Variants in TXNDC11 observed in about 807,000 individuals in gnomAD.
TXNDC11 encodes the protein thioredoxin domain-containing protein 11.
In TXNDC11, 68 loss-of-function variants were observed where a neutral mutation model predicts 78.0. That is an observed-to-expected ratio of 0.87 (90% CI 0.72 to 1.07). The LOEUF is 1.07. Ranked by LOEUF, TXNDC11 falls within the 50% of genes least tolerant of loss-of-function variation. The pLI is 0.00. For missense variants in TXNDC11, 1,389 were observed against 1,221.8 expected (o/e 1.14, Z -2.04); for synonymous variants, 571 against 495.2 (o/e 1.15, Z -2.03).
intron 1 of TXNDC11, among the ~76,000 whole-genome samples, chr16:11,739,819 T>G (rs932282991): frequency 1.3e-5 from 2 of 152,010 alleles, no homozygotes; most frequent in African/African-American, 4.8e-5. Context: ...TTAGCTGGTT[T>G]GAATTCAGCC....
rs766595389 is a variant in TXNDC11 at position 11,691,546 on chromosome 16, G to A, written c.1644C>T (p.Ser548=). Reference sequence around the variant, plus strand: ...ACCTGTTCTCCTCAATGTGAGGAACGGAGCTTGGGGCATCAACCTCACATT... The same window carrying A: ...ACCTGTTCTCCTCAATGTGAGGAACAGAGCTTGGGGCATCAACCTCACATT... ...EKKCEVDAPS[S]VPHIEENRYL... Residue 548 remains serine, a synonymous_variant, in exon 8 of 12, where the codon TCC becomes TCT. Transcript: ENST00000283033. The A allele has an allele frequency of 4.5e-5, 72 of 1,614,068 alleles. No individual in the cohort carries two copies. Among genetic ancestry groups the A allele is most frequent in the Non-Finnish European group, 5.8e-5 (68 of 1,180,018 alleles).
At chr16:11,706,461 T>C (rs1164852096) in intron 5 of TXNDC11, among the ~76,000 whole-genome samples, 4 of 152,250 alleles carry the variant, frequency 2.6e-5, no homozygotes, top group South Asian at 2.1e-4. Context: ...CCCATGGGCA[T>C]GGGCTGGGGA....
intron 3 of TXNDC11, among the ~76,000 whole-genome samples, chr16:11,733,293 CT>C (rs1280758250): frequency 1.3e-5 from 2 of 151,872 alleles, no homozygotes; most frequent in Non-Finnish European, 1.5e-5. Flanking sequence ...AAATAAAACT[CT>C]TTCCGTTTTT....
chr16:11,717,630 G>A (rs1006104527), intron 5 of TXNDC11, among the ~76,000 whole-genome samples: 13 of 151,724 alleles, frequency 8.6e-5, no homozygotes, highest in African/African-American at 2.9e-4. Context: ...GAACAGCCTG[G>A]CCAACATGGT....
chr16:11,719,190 G>A (rs1230672887), intron 5 of TXNDC11, among the ~76,000 whole-genome samples: 1 of 152,102 alleles, frequency 6.6e-6, no homozygotes, highest in Non-Finnish European at 1.5e-5. Flanking sequence ...TCACAAACTT[G>A]AATGCTACCA....
chr16:11,739,959 G>A (rs565808834), intron 1 of TXNDC11, among the ~76,000 whole-genome samples: 19 of 152,056 alleles, frequency 1.2e-4, no homozygotes, highest in South Asian at 1.2e-3. Context: ...TTGGGAGGCC[G>A]AAGTAGGAGG....
intron 6 of TXNDC11, among the ~76,000 whole-genome samples, 194 bp downstream of exon 6, chr16:11,700,258 C>G (rs1223234727): frequency 1.3e-5 from 2 of 152,044 alleles, no homozygotes; most frequent in Non-Finnish European, 2.9e-5. Flanking sequence ...TTTCAAGAGC[C>G]CTCTAATGCA....
intron 8 of TXNDC11, among the ~76,000 whole-genome samples, chr16:11,689,155 C>T (rs2050643656): frequency 6.7e-6 from 1 of 150,096 alleles, no homozygotes; most frequent in Non-Finnish European, 1.5e-5. Context: ...GTGCTGCAAT[C>T]ATAGCTCACT....
At chr16:11,705,788 G>T (rs908404483) in intron 5 of TXNDC11, among the ~76,000 whole-genome samples, 2 of 152,202 alleles carry the variant, frequency 1.3e-5, no homozygotes, top group African/African-American at 4.8e-5. Context: ...AATCTTGCTA[G>T]AAGCAGCAGC....
intron 8 of TXNDC11, among the ~76,000 whole-genome samples, chr16:11,690,304 CA>C (rs2050674445): frequency 6.6e-6 from 1 of 152,158 alleles, no homozygotes; most frequent in African/African-American, 2.4e-5. Flanking sequence ...TGCCAAGTCC[CA>C]GGGGCAAGCT....
intron 5 of TXNDC11, among the ~76,000 whole-genome samples, chr16:11,701,487 T>C (rs2051024630): frequency 6.6e-6 from 1 of 152,184 alleles, no homozygotes. Flanking sequence ...CTTTGTTTCA[T>C]GCTAGTATCC....
chr16:11,709,856 G>C (rs1202789212), intron 5 of TXNDC11, among the ~76,000 whole-genome samples: 1 of 152,146 alleles, frequency 6.6e-6, no homozygotes, highest in Admixed American at 6.5e-5. Context: ...TACTTAACCT[G>C]ACAGTAAAAT....
Position 11,692,014 on chromosome 16 carries a change from G to A in TXNDC11, c.1176C>T (p.His392=), listed in dbSNP as rs766386945. The A allele has an allele frequency of 3.6e-5, 56 of 1,566,532 alleles. No homozygotes were observed. The highest frequency in any genetic ancestry group is 3.4e-4 in the Middle Eastern group (2 of 5,826). ...GDQVVERLLQ[H]LRRVDAPVLE... Reference sequence around the variant, plus strand: ...GCACTGGAGCATCCACCCGCCGCAGGTGCTGAAGGAGACGCTCCACCACCT... The same window carrying A: ...GCACTGGAGCATCCACCCGCCGCAGATGCTGAAGGAGACGCTCCACCACCT... Residue 392 remains histidine (H), a synonymous_variant, in exon 8 of 12, where the codon CAC becomes CAT. Coordinates refer to ENST00000283033, the MANE Select transcript of TXNDC11 (RefSeq NM_015914.7).
Position 11,698,373 on chromosome 16 carries a change from G to T in TXNDC11, c.907-48C>A, listed in dbSNP as rs1186407699. ...GGATAAAGGAGAGCTCGTGAGGTGG[G>T]GCAAGCTCAAGGCACATCAGTGCTG... On this transcript the variant is annotated intron_variant, in intron 6 of 11. Coordinates refer to ENST00000283033, the MANE Select transcript of TXNDC11 (RefSeq NM_015914.7). 2.6e-6 allele frequency: 4 copies of T among 1,565,852 alleles called. No homozygotes were observed. The South Asian group carries it at 4.5e-5, about 17-fold the overall frequency.
rs2050364884 is a variant in TXNDC11 at position 11,679,591 on chromosome 16, C to G, written c.2481G>C (p.Gln827His). The G allele has an allele frequency of 3.1e-6, 5 of 1,614,002 alleles. No individual in the cohort carries two copies. The East Asian group carries it at 1.1e-4, about 36-fold the overall frequency. ...LQRAQVQVES[Q>H]LSSARRDEHR... Reference sequence around the variant, plus strand: ...GCTCATCTCTGCGGGCACTGGAGAGCTGGGACTCCACCTGCACTTGTGCTC... The same window carrying G: ...GCTCATCTCTGCGGGCACTGGAGAGGTGGGACTCCACCTGCACTTGTGCTC... Residue 827 changes from glutamine (Q) to histidine (H), a missense_variant, in exon 12 of 12, where the codon CAG (glutamine) becomes CAC (histidine). By Grantham distance (24) the Gln-to-His change is conservative. Transcript: ENST00000283033. This position sits in a 1 kb window ranked among gnomAD's most constrained non-coding sequence, Gnocchi z 4.6.
rs1323919524 is a variant in TXNDC11 at position 11,742,415 on chromosome 16, G to C, written c.254+62C>G. 4 of 1,289,054 alleles carry C rather than the reference G, an allele frequency of 3.1e-6. No individual in the cohort carries two copies. The Admixed American group carries it at 1.6e-4, about 53-fold the overall frequency. 79.9% of individuals were successfully genotyped at this position (1,289,054 alleles called of 1,614,324 possible). ...GAGGCCGCTGCGACCCGGCCCTGCA[G>C]GCTCCAGGCGGCAGAGCAAGGGGAG... On this transcript the variant is annotated intron_variant, in intron 1 of 11. Coordinates refer to ENST00000283033, the MANE Select transcript of TXNDC11 (RefSeq NM_015914.7).
chr16:11,735,558 A>G (rs939750035), intron 2 of TXNDC11, among the ~76,000 whole-genome samples: 4 of 152,190 alleles, frequency 2.6e-5, no homozygotes, highest in African/African-American at 4.8e-5. Context: ...ATTTGCCTAT[A>G]TATCTTTCTT....
intron 5 of TXNDC11, among the ~76,000 whole-genome samples, chr16:11,710,007 G>A (rs1454851205): frequency 6.6e-6 from 1 of 152,154 alleles, no homozygotes; most frequent in Non-Finnish European, 1.5e-5. Context: ...GACAGACGTG[G>A]TGGCACATGC....
At chr16:11,737,729 G>A (rs575726955) in intron 1 of TXNDC11, among the ~76,000 whole-genome samples, 2 of 151,894 alleles carry the variant, frequency 1.3e-5, no homozygotes, top group East Asian at 3.9e-4. Context: ...AGCCGGGCGT[G>A]GTGGCACATA....
Sources: gnomAD v4.1 joint callset for allele counts (sites outside exome capture counted in the v4.1 genomes callset) on GRCh38, gnomAD v4.1.1 for gene constraint, Gnocchi (gnomAD v3.1) non-coding constraint, MANE v1.5 for transcripts, NCBI Gene and HGNC (gene_info 2026-07-23, HGNC 2026-07-21) for gene names.